The following CNTN5 variants were observed in gnomAD, a reference collection of about 807,000 sequenced individuals.
CNTN5 encodes contactin 5.
Under a neutral mutation model 129.1 loss-of-function variants are expected in CNTN5, and 77 were observed. The observed-to-expected ratio is 0.60, with a 90% confidence interval of 0.50 to 0.72. The LOEUF is 0.72. Ranked by LOEUF, CNTN5 falls within the 30% of genes least tolerant of loss-of-function variation. CNTN5 has a pLI of 0.00. For synonymous variants in CNTN5, 509 were observed against 465.6 expected, an observed-to-expected ratio of 1.09 and a Z score of -1.20; for missense variants, 1,478 against 1,328.8, an observed-to-expected ratio of 1.11 and a Z score of -1.75.
rs763507291 is a variant in CNTN5, at chr11:100,026,435, ATGTTT to A, written c.980+24300_980+24304del. Among the ~76,000 whole-genome samples, 21 of 152,264 alleles carry A rather than the reference ATGTTT, an allele frequency of 1.4e-4. No individual in the cohort carries two copies. The South Asian group carries it at 4.4e-3, about 32-fold the overall frequency. On this transcript the variant is annotated intron_variant, in intron 9 of 24. Transcript: ENST00000524871. ...AATTACTAGATTGTATGGTTATAGT[ATGTTT>A]ACTTTTGTAAGAAACTGGCAAACTG...
intron 3 of CNTN5, among the ~76,000 whole-genome samples, chr11:99,818,434 T>G (rs1946664632): frequency 6.6e-6 from 1 of 152,148 alleles, no homozygotes; most frequent in South Asian, 2.1e-4. Flanking sequence ...TTTTTGTACT[T>G]TTTGTGTAGA....
chr11:99,618,788 G>A (rs1409999195), intron 3 of CNTN5, among the ~76,000 whole-genome samples: 2 of 152,048 alleles, frequency 1.3e-5, no homozygotes, highest in African/African-American at 4.8e-5. Context: ...TCCATGATGT[G>A]ATGATTATGC....
At chr11:99,465,011 T>C (rs908088979) in intron 2 of CNTN5, among the ~76,000 whole-genome samples, 2 of 152,328 alleles carry the variant, frequency 1.3e-5, no homozygotes, top group East Asian at 1.9e-4. Flanking sequence ...GATAACCAAA[T>C]ATTCTGCTAG....
At chr11:99,164,201 C>T (rs1860763986) in intron 1 of CNTN5, among the ~76,000 whole-genome samples, 2 of 151,510 alleles carry the variant, frequency 1.3e-5, no homozygotes, top group South Asian at 4.2e-4. Flanking sequence ...TGGCACCTGT[C>T]TGTAATCCTA....
chr11:99,551,673 T>A (rs1400646527), intron 2 of CNTN5, among the ~76,000 whole-genome samples: 1 of 152,158 alleles, frequency 6.6e-6, no homozygotes, highest in Non-Finnish European at 1.5e-5. Flanking sequence ...TTGCTACAGA[T>A]CTAGCCTGTA....
chr11:99,151,159 A>G (rs933369368), intron 1 of CNTN5, among the ~76,000 whole-genome samples: 4 of 152,096 alleles, frequency 2.6e-5, no homozygotes, highest in African/African-American at 9.7e-5. Context: ...AGGTGCCTTT[A>G]GTTGAATGTT....
At chr11:100,286,414 C>T (rs1258096368) in intron 18 of CNTN5, among the ~76,000 whole-genome samples, 16 of 150,524 alleles carry the variant, frequency 1.1e-4, no homozygotes, top group Non-Finnish European at 1.9e-4. Flanking sequence ...GATCTGAGAA[C>T]GGGCAGACTG....
At chr11:99,947,410 C>G (rs971687438) in intron 7 of CNTN5, among the ~76,000 whole-genome samples, 16 of 151,498 alleles carry the variant, frequency 1.1e-4, no homozygotes, top group Admixed American at 7.2e-4. Context: ...TAAACCATTT[C>G]AGTGCCTGTT....
At chr11:99,054,475 A>C (rs1192045435) in intron 1 of CNTN5, among the ~76,000 whole-genome samples, 2 of 152,000 alleles carry the variant, frequency 1.3e-5, no homozygotes, top group Non-Finnish European at 2.9e-5. Context: ...ATGGACTTAC[A>C]CTTGTAGGAA....
At chr11:99,395,725 T>C (rs921161361) in intron 2 of CNTN5, among the ~76,000 whole-genome samples, 2 of 151,892 alleles carry the variant, frequency 1.3e-5, no homozygotes, top group Non-Finnish European at 2.9e-5. Flanking sequence ...TTGTATATGA[T>C]GTAAGGAAGG....
chr11:99,901,639 C>T (rs1231047046), intron 6 of CNTN5, among the ~76,000 whole-genome samples: 3 of 151,960 alleles, frequency 2.0e-5, no homozygotes, highest in Non-Finnish European at 2.9e-5. Flanking sequence ...TTATTTTTTT[C>T]TAAATCTAAA....
chr11:99,664,318 C>T (rs1790438910), intron 3 of CNTN5, among the ~76,000 whole-genome samples: 1 of 152,114 alleles, frequency 6.6e-6, no homozygotes, highest in African/African-American at 2.4e-5. Flanking sequence ...CAACCACACT[C>T]ACTAAAACTG....
chr11:99,984,914 A>G (rs7112259), intron 8 of CNTN5, among the ~76,000 whole-genome samples: 48,905 of 151,938 alleles, frequency 0.32, 8,416 homozygotes, highest in African/African-American at 0.43. Context: ...TCAACCCCTT[A>G]CAGAAGGGAG....
At chr11:99,808,610 G>A (rs1946340571) in intron 3 of CNTN5, among the ~76,000 whole-genome samples, 1 of 152,042 alleles carries the variant, frequency 6.6e-6, no homozygotes, top group African/African-American at 2.4e-5. Context: ...AATCACTCGG[G>A]GACTTCAATA....
At chr11:100,004,337 T>C (rs1028529443) in intron 9 of CNTN5, among the ~76,000 whole-genome samples, 3 of 152,142 alleles carry the variant, frequency 2.0e-5, no homozygotes, top group African/African-American at 7.2e-5. Context: ...TGCTGTTTCT[T>C]ACACTGGGAT....
intron 16 of CNTN5, among the ~76,000 whole-genome samples, chr11:100,229,230 G>A (rs551912033): frequency 6.6e-6 from 1 of 152,054 alleles, no homozygotes; most frequent in African/African-American, 2.4e-5. Context: ...TTTACCCCAT[G>A]AGTCATATGT....
At chr11:100,103,309 G>A (rs1468923979) in intron 13 of CNTN5, among the ~76,000 whole-genome samples, 1 of 152,128 alleles carries the variant, frequency 6.6e-6, no homozygotes, top group East Asian at 1.9e-4. Context: ...TGTTGCAAAT[G>A]AGTCTTTGCC....
At chr11:99,833,788 C>T (rs1210410657) in intron 4 of CNTN5, among the ~76,000 whole-genome samples, 1 of 152,116 alleles carries the variant, frequency 6.6e-6, no homozygotes, top group African/African-American at 2.4e-5. Context: ...GTAGAAGACT[C>T]TTGCCAACAC....
At chr11:99,698,800 A>G (rs975421217) in intron 3 of CNTN5, among the ~76,000 whole-genome samples, 7 of 151,406 alleles carry the variant, frequency 4.6e-5, no homozygotes, top group Non-Finnish European at 7.4e-5. Flanking sequence ...TTGTAATACT[A>G]TAATCACAAT....
Sources: gnomAD v4.1 joint callset for allele counts (sites outside exome capture counted in the v4.1 genomes callset) on GRCh38, gnomAD v4.1.1 for gene constraint, MANE v1.5 for transcripts, NCBI Gene and HGNC (gene_info 2026-07-23, HGNC 2026-07-21) for gene names.